The following PRKAG2 variants were observed in gnomAD, a reference collection of about 807,000 sequenced individuals.
The protein encoded by PRKAG2 is 5'-AMP-activated protein kinase subunit gamma-2.
PRKAG2 carries 26 observed loss-of-function variants against 69.6 expected under a neutral mutation model. The observed-to-expected ratio is 0.37, with a 90% CI of 0.27 to 0.52. The LOEUF is 0.52. Ranked by LOEUF, PRKAG2 falls within the 20% of genes least tolerant of loss-of-function variation. The pLI is 0.90. For synonymous variants in PRKAG2, 293 were observed against 285.0 expected, an observed-to-expected ratio of 1.03 and a Z score of -0.28; for missense variants, 557 against 740.0, an observed-to-expected ratio of 0.75 and a Z score of 2.87.
chr7:151,626,490 G>A (rs1271333551), intron 5 of PRKAG2, among the ~76,000 whole-genome samples: 2 of 152,204 alleles, frequency 1.3e-5, no homozygotes, highest in African/African-American at 4.8e-5. Context: ...TACGAGGAGT[G>A]TGTGAACTCA....
intron 5 of PRKAG2, among the ~76,000 whole-genome samples, chr7:151,620,890 G>A (rs1173972977): frequency 6.6e-6 from 1 of 152,002 alleles, no homozygotes. Flanking sequence ...CACCCACCTT[G>A]GCTTCCCAAA....
chr7:151,864,010 G>A (rs1252773106), intron 1 of PRKAG2, among the ~76,000 whole-genome samples: 1 of 152,058 alleles, frequency 6.6e-6, no homozygotes, highest in African/African-American at 2.4e-5. Context: ...ACAGAACATC[G>A]CTTTGAGCCT....
At chr7:151,865,984 C>T (rs969225526) in intron 1 of PRKAG2, among the ~76,000 whole-genome samples, 5 of 143,444 alleles carry the variant, frequency 3.5e-5, no homozygotes, top group Admixed American at 1.4e-4. Context: ...CGCACCACTG[C>T]ACTCCAGCTT....
At position 151,614,010 on chromosome 7, in the gene PRKAG2, T is replaced by G. The variant is rs1453826525; in HGVS notation, c.754+18059A>C. Among the ~76,000 whole-genome samples, 1 of 151,578 alleles carries G rather than the reference T, an allele frequency of 6.6e-6. No individual in the cohort carries two copies. The highest frequency in any genetic ancestry group is 2.4e-5 in the African/African-American group (1 of 41,218). ...TAGAGACAGGCTTTCGCTATGTTGGTCAGGCTGGTCTCGAACTTCTGACCT... is the reference window on the plus strand; with the variant it reads ...TAGAGACAGGCTTTCGCTATGTTGGGCAGGCTGGTCTCGAACTTCTGACCT... On this transcript the variant is annotated intron_variant, in intron 5 of 15. Transcript: ENST00000287878. The surrounding 1 kb of genome is among the most constrained non-coding windows in gnomAD (Gnocchi z 4.4).
chr7:151,686,183 G>A (rs75636392), intron 3 of PRKAG2, among the ~76,000 whole-genome samples: 12 of 152,260 alleles, frequency 7.9e-5, no homozygotes, highest in African/African-American at 2.2e-4. Context: ...CCATAGGACC[G>A]GAAGATCCTG....
Position 151,600,983 on chromosome 7 carries a change from C to T in PRKAG2, c.755-5529G>A, listed in dbSNP as rs150913639. 6.6e-5 allele frequency among the ~76,000 whole-genome samples: 10 copies of T among 152,314 alleles called. No individual in the cohort carries two copies. In the East Asian group the frequency reaches 1.2e-3, roughly 18 times the overall value. On this transcript the variant is annotated intron_variant, in intron 5 of 15. Transcript: ENST00000287878. The stretch of plus-strand genomic sequence containing the variant: ...GCTGCGTCACTTGCCCCAAATCAGA[C>T]GGTGAAGTAGTGACCCAAGCGGGAT...
chr7:151,599,004 A>G (rs1252671812), intron 5 of PRKAG2, among the ~76,000 whole-genome samples: 1 of 152,008 alleles, frequency 6.6e-6, no homozygotes. Context: ...GGTGCACACC[A>G]TCACACCTGG....
intron 1 of PRKAG2, among the ~76,000 whole-genome samples, chr7:151,831,664 A>G (rs1019371362): frequency 2.6e-5 from 4 of 152,042 alleles, no homozygotes; most frequent in Admixed American, 2.0e-4. Context: ...ACGTGTTCTG[A>G]TATTCATTTG....
chr7:151,604,582 G>A (rs1490880817), intron 5 of PRKAG2, among the ~76,000 whole-genome samples: 1 of 152,100 alleles, frequency 6.6e-6, no homozygotes, highest in African/African-American at 2.4e-5. Context: ...AGGCTGCAGT[G>A]AGCTGTGATT....
At chr7:151,770,986 T>C (rs79816892) in intron 3 of PRKAG2, among the ~76,000 whole-genome samples, 2,487 of 152,318 alleles carry the variant, frequency 0.016, 63 homozygotes, top group African/African-American at 0.056. Context: ...CAAGCAGCAC[T>C]GTGGGCTTAT....
intron 12 of PRKAG2, 126 bp downstream of exon 12, chr7:151,565,594 T>A: frequency 7.4e-7 from 1 of 1,343,920 alleles, no homozygotes; most frequent in Non-Finnish European, 1.1e-6. Flanking sequence ...TGCCCCTTGG[T>A]GCTGAATTTA....
At position 151,795,846 on chromosome 7, in the gene PRKAG2, CATATATATATATATAT is replaced by C. The variant is rs55657994; in HGVS notation, c.115-9321_115-9306del. Reference sequence around the variant, plus strand: ...TGAGTCAATTCTTTCAAACAAATCTCATATATATATATATATATATATATATATATATATATATATA... The same window carrying C: ...TGAGTCAATTCTTTCAAACAAATCTCATATATATATATATATATATATATA... On this transcript the variant is annotated intron_variant, in intron 1 of 15. Coordinates refer to ENST00000287878, the MANE Select transcript of PRKAG2 (RefSeq NM_016203.4). Among the ~76,000 whole-genome samples, 402 of 56,780 alleles carry C rather than the reference CATATATATATATATAT, an allele frequency of 7.1e-3. 6 individuals are homozygous for C. The highest frequency in any genetic ancestry group is 0.024 in the African/African-American group (356 of 14,686). 37.2% of individuals were successfully genotyped at this position (56,780 alleles called of 152,430 possible). A position where few individuals can be genotyped will look rare whatever the true frequency, so the allele number is the denominator to read the frequency against.
chr7:151,609,308 AT>A (rs11322186), intron 5 of PRKAG2, among the ~76,000 whole-genome samples: 29,873 of 151,778 alleles, frequency 0.2, 3,680 homozygotes, highest in African/African-American at 0.35. Flanking sequence ...AAGAATTTAT[AT>A]AAAAAAAATG....
chr7:151,868,974 T>G (rs920627308), intron 1 of PRKAG2, among the ~76,000 whole-genome samples: 1 of 152,216 alleles, frequency 6.6e-6, no homozygotes, highest in African/African-American at 2.4e-5. Context: ...TGAAGAGGCG[T>G]TGGCAAATAA....
chr7:151,632,095 A>G lies in PRKAG2; in HGVS notation c.728T>C (p.Leu243Pro). The G allele has an allele frequency of 7.1e-7, 1 of 1,416,314 alleles. No individual in the cohort carries two copies. The highest frequency in any genetic ancestry group is 2.0e-4 in the Middle Eastern group (1 of 4,924). 87.7% of individuals were successfully genotyped at this position (1,416,314 alleles called of 1,614,324 possible). Residue 243 changes from leucine to proline, a missense_variant, in exon 5 of 16, where the codon CTG becomes CCG. Physicochemically the swap from Leu to Pro is moderately conservative, Grantham distance 98. Transcript: ENST00000287878. The surrounding 1 kb of genome is among the most constrained non-coding windows in gnomAD (Gnocchi z 4.2). ...TTCGTCCTCGAACTCCAGCTTCTCC[A>G]GCATGCCGGCTTCCGCGGGTCCCAG... ...AALGPAEAGM[L>P]EKLEFEDEAV... is the part of the protein sequence containing the mutation.
intron 8 of PRKAG2, among the ~76,000 whole-genome samples, chr7:151,574,630 G>A (rs1175900061): frequency 3.3e-5 from 5 of 152,106 alleles, no homozygotes; most frequent in Non-Finnish European, 5.9e-5. Flanking sequence ...AAGGAATTCC[G>A]AAAGCTGAAT....
intron 15 of PRKAG2, chr7:151,559,088 C>G (rs935295632): frequency 5.1e-6 from 5 of 985,252 alleles, no homozygotes; most frequent in African/African-American, 3.5e-5. Flanking sequence ...AGAGAAGAGG[C>G]CTTTTCTAGT....
intron 14 of PRKAG2, among the ~76,000 whole-genome samples, chr7:151,560,819 GGGA>G (rs1416934233): frequency 6.6e-6 from 1 of 152,172 alleles, no homozygotes; most frequent in Non-Finnish European, 1.5e-5. Context: ...GTTACTTGGT[GGGA>G]GGATTGCTTG....
chr7:151,849,507 C>A (rs550328335), intron 1 of PRKAG2, among the ~76,000 whole-genome samples: 1 of 152,184 alleles, frequency 6.6e-6, no homozygotes, highest in South Asian at 2.1e-4. Flanking sequence ...TCATTTCTGG[C>A]GGCTGCTGTA....
Sources: allele counts gnomAD v4.1 joint callset (sites outside exome capture counted in the v4.1 genomes callset), GRCh38; gene constraint gnomAD v4.1.1; non-coding constraint Gnocchi (gnomAD v3.1); transcripts MANE v1.5; gene names NCBI Gene and HGNC (gene_info 2026-07-23, HGNC 2026-07-21).